The following SUFU variants were observed in gnomAD, a reference collection of about 807,000 sequenced individuals.
The protein encoded by SUFU is suppressor of fused homolog.
Under a neutral mutation model 58.9 loss-of-function variants are expected in SUFU, and 7 were observed. That is an observed-to-expected ratio of 0.12 (90% CI 0.07 to 0.22). The LOEUF is 0.22. Ranked by LOEUF, SUFU falls within the 10% of genes least tolerant of loss-of-function variation. The pLI is 1.00. For synonymous variants in SUFU, 232 were observed against 254.8 expected (o/e 0.91, Z 0.85); for missense variants, 451 against 641.3 (o/e 0.70, Z 3.20).
At position 102,524,753 on chromosome 10, in the gene SUFU, C is replaced by A. The variant is rs187576133; in HGVS notation, c.317+15450C>A. On this transcript the variant is annotated intron_variant, in intron 2 of 11. Coordinates refer to ENST00000369902, the MANE Select transcript of SUFU (RefSeq NM_016169.4). ...GTTTATTGTCTGTCCCCCCTCCTTC[C>A]CACTAGAACATAAGCTCCCTGAAGA... Among the ~76,000 whole-genome samples the A allele has an allele frequency of 1.8e-3, 278 of 152,304 alleles. 3 individuals carry two copies. Among genetic ancestry groups the A allele is most frequent in the African/African-American group, 6.6e-3 (273 of 41,556 alleles).
intron 1 of SUFU, among the ~76,000 whole-genome samples, chr10:102,505,633 G>A (rs2062315885): frequency 6.6e-6 from 1 of 152,202 alleles, no homozygotes; most frequent in Admixed American, 6.5e-5. Flanking sequence ...TCAATGGGAG[G>A]ATGCCAAGAG....
chr10:102,509,446 C>A, intron 2 of SUFU, 143 bp downstream of exon 2: 2 of 1,186,760 alleles, frequency 1.7e-6, no homozygotes, highest in Non-Finnish European at 2.5e-6. Flanking sequence ...TCTACTCATG[C>A]CAAGGTGGTC....
rs1049943151 is a variant in SUFU, at chr10:102,628,784, C to T, written c.1366-1282C>T. On this transcript the variant is annotated intron_variant, in intron 11 of 11. Coordinates refer to ENST00000369902, the MANE Select transcript of SUFU (RefSeq NM_016169.4). This position sits in a 1 kb window ranked among gnomAD's most constrained non-coding sequence, Gnocchi z 4.5. ...AAGGGTCAGGCTCGTCTGCCTCCAG[C>T]CCCAGACCGAGGCAGGCTGAGAACA... Among the ~76,000 whole-genome samples, 4 of 152,186 alleles carry T rather than the reference C, an allele frequency of 2.6e-5. No homozygotes were observed. The East Asian group carries it at 7.7e-4, about 29-fold the overall frequency.
Position 102,610,392 on chromosome 10 carries a change from C to CAAAAA in SUFU, c.1023-4869_1023-4865dup, listed in dbSNP as rs541858690. Among the ~76,000 whole-genome samples the CAAAAA allele has an allele frequency of 2.4e-4, 30 of 124,038 alleles. 9 individuals are homozygous for CAAAAA. Among genetic ancestry groups the CAAAAA allele is most frequent in the Non-Finnish European group, 2.8e-4 (17 of 61,364 alleles). The allele number at this position is 124,038 out of a possible 152,430, so 81.4% of individuals were successfully genotyped here. On this transcript the variant is annotated intron_variant, in intron 8 of 11. Coordinates refer to ENST00000369902, the MANE Select transcript of SUFU (RefSeq NM_016169.4). ...TGGGCGTCGCAGCAAGACTCTGTCT[C>CAAAAA]AAAAAAAAAAAGAAAAAGAGAAAAG...
At chr10:102,556,903 A>G (rs959570859) in intron 3 of SUFU, among the ~76,000 whole-genome samples, 1 of 151,916 alleles carries the variant, frequency 6.6e-6, no homozygotes, top group African/African-American at 2.4e-5. Context: ...CAGCCTGGCC[A>G]ACATGGTGAA....
intron 3 of SUFU, among the ~76,000 whole-genome samples, chr10:102,568,900 ATATATATATATAT>A (rs2063126463): frequency 1.4e-4 from 1 of 6,958 alleles, no homozygotes; most frequent in Non-Finnish European, 2.6e-4. Flanking sequence ...AAAAAAAAAT[ATATATATATATAT>A]ATATATACAC....
At chr10:102,598,119 G>C (rs1390431327) in intron 7 of SUFU, among the ~76,000 whole-genome samples, 1 of 151,960 alleles carries the variant, frequency 6.6e-6, no homozygotes, top group Admixed American at 6.6e-5. Flanking sequence ...TTCTGTAAAG[G>C]ACAAACTTAA....
At chr10:102,599,994 C>T (rs1053751050) in intron 8 of SUFU, among the ~76,000 whole-genome samples, 2 of 152,126 alleles carry the variant, frequency 1.3e-5, no homozygotes, top group African/African-American at 4.8e-5. Flanking sequence ...ATGCCTGTGG[C>T]TGAGGCCCTT....
chr10:102,581,021 A>G (rs1016924750), intron 3 of SUFU, among the ~76,000 whole-genome samples: 2 of 151,792 alleles, frequency 1.3e-5, no homozygotes, highest in East Asian at 3.9e-4. Context: ...ATCTCTACTA[A>G]ATACAAAAAT....
intron 3 of SUFU, chr10:102,573,308 A>C: frequency 1.8e-6 from 1 of 548,036 alleles, no homozygotes; most frequent in Non-Finnish European, 3.3e-6. Context: ...CTATCAAAAA[A>C]AGAAAAAACA....
At chr10:102,616,675 A>G (rs1000871493) in intron 9 of SUFU, among the ~76,000 whole-genome samples, 1 of 152,124 alleles carries the variant, frequency 6.6e-6, no homozygotes, top group African/African-American at 2.4e-5. Flanking sequence ...GTATTTCCAG[A>G]CTAGGGATTA....
In SUFU at chr10:102,631,016, G is replaced by C. The variant is rs149701178; in HGVS notation, c.*861G>C. 2.1e-4 allele frequency: 49 copies of C among 233,552 alleles called. No homozygotes were observed. The East Asian group carries it at 2.9e-3, about 14-fold the overall frequency. The allele number at this position is 233,552 out of a possible 1,614,324, so 14.5% of individuals were successfully genotyped here. On this transcript the variant is annotated 3_prime_UTR_variant, in exon 12 of 12. Transcript: ENST00000369902. ...AGTGAATGGGTCTCAAAGACTTGGT[G>C]ACCCCAGCCTCATCTTCTAGGCCTT...
chr10:102,583,961 T>A (rs2063311070), intron 3 of SUFU, among the ~76,000 whole-genome samples: 1 of 152,194 alleles, frequency 6.6e-6, no homozygotes, highest in Admixed American at 6.5e-5. Context: ...AACTGGCCCA[T>A]CTGTTTCTTA....
At chr10:102,533,986 G>A (rs2062706444) in intron 2 of SUFU, among the ~76,000 whole-genome samples, 1 of 152,230 alleles carries the variant, frequency 6.6e-6, no homozygotes, top group Admixed American at 6.5e-5. Flanking sequence ...TTGGATTTGT[G>A]TAGACTGAAC....
chr10:102,542,169 G>A (rs11191323), intron 2 of SUFU, among the ~76,000 whole-genome samples: 14,774 of 143,310 alleles, frequency 0.1, 1,189 homozygotes, highest in East Asian at 0.43. Flanking sequence ...GTCTCACTCT[G>A]TTGCCTGGGC....
chr10:102,568,923 CATATATATATATATATATATATATAT>C lies in SUFU; in HGVS notation c.454+18832_454+18857del, dbSNP rs1166324733. Among the ~76,000 whole-genome samples the C allele has an allele frequency of 6.7e-3, 260 of 39,090 alleles. 15 individuals carry two copies. Among genetic ancestry groups the C allele is most frequent in the Admixed American group, 0.066 (201 of 3,032 alleles). The allele number at this position is 39,090 out of a possible 152,430, so 25.6% of individuals were successfully genotyped here. A position where few individuals can be genotyped will look rare whatever the true frequency, so the allele number is the denominator to read the frequency against. On this transcript the variant is annotated intron_variant, in intron 3 of 11. Transcript: ENST00000369902. ...ATATATATATATATATATATATACA[CATATATATATATATATATATATATAT>C]ATATATATATATATCTATAGCAGTG...
At chr10:102,529,007 C>CTG (rs71016390) in intron 2 of SUFU, among the ~76,000 whole-genome samples, 145,764 of 146,022 alleles carry the variant, frequency 1, 72,754 homozygotes, top group East Asian at 1. Flanking sequence ...TTAAATATAA[C>CTG]GAGATTTATG....
intron 3 of SUFU, among the ~76,000 whole-genome samples, chr10:102,575,768 G>A (rs1181186506): frequency 6.6e-6 from 1 of 152,164 alleles, no homozygotes; most frequent in Non-Finnish European, 1.5e-5. Flanking sequence ...GATGGCTGCT[G>A]GTGCCACATA....
chr10:102,600,377 A>T (rs969757203), intron 8 of SUFU, among the ~76,000 whole-genome samples: 4 of 152,186 alleles, frequency 2.6e-5, no homozygotes, highest in Non-Finnish European at 5.9e-5. Flanking sequence ...TGAAGTCTTT[A>T]TTACACATTT....
Sources: gnomAD v4.1 joint callset for allele counts (sites outside exome capture counted in the v4.1 genomes callset) on GRCh38, gnomAD v4.1.1 for gene constraint, Gnocchi (gnomAD v3.1) non-coding constraint, MANE v1.5 for transcripts, NCBI Gene and HGNC (gene_info 2026-07-23, HGNC 2026-07-21) for gene names.